Variants in SEMA4D observed in about 807,000 individuals in gnomAD.
SEMA4D encodes semaphorin 4D, also known as semaphorin-4D.
Under a neutral mutation model 74.8 loss-of-function variants are expected in SEMA4D, and 22 were observed. The observed-to-expected ratio is 0.29, with a 90% CI of 0.21 to 0.42. The LOEUF (loss-of-function observed/expected upper bound fraction) is 0.42. Ranked by LOEUF, SEMA4D falls within the 10% of genes least tolerant of loss-of-function variation. The probability of loss-of-function intolerance (pLI) is 1.00; values close to 1 mark genes in which losing one functional copy is unlikely to be tolerated. For missense variants in SEMA4D, 937 were observed against 1,118.4 expected (o/e 0.84, Z 2.31); for synonymous variants, 445 against 463.7 (o/e 0.96, Z 0.52).
At chr9:89,408,435 CCA>C (rs1372921587) in intron 2 of SEMA4D, among the ~76,000 whole-genome samples, 1 of 152,176 alleles carries the variant, frequency 6.6e-6, no homozygotes, top group Non-Finnish European at 1.5e-5. Context: ...GACAAGCTAT[CCA>C]CAGTCCCTCA....
chr9:89,433,399 G>A (rs1849695289), intron 2 of SEMA4D, among the ~76,000 whole-genome samples: 1 of 152,154 alleles, frequency 6.6e-6, no homozygotes, highest in African/African-American at 2.4e-5. Flanking sequence ...AGTGGGGAGG[G>A]GTCTCCAATC....
intron 1 of SEMA4D, among the ~76,000 whole-genome samples, chr9:89,476,103 G>A (rs899051989): frequency 6.6e-6 from 1 of 152,196 alleles, no homozygotes; most frequent in Admixed American, 6.5e-5. Flanking sequence ...CCTCGCTCCT[G>A]GTGCCATTAG....
At chr9:89,452,187 T>TTTG (rs774279779) in intron 2 of SEMA4D, among the ~76,000 whole-genome samples, 1 of 143,918 alleles carries the variant, frequency 6.9e-6, no homozygotes, top group Non-Finnish European at 1.5e-5. Flanking sequence ...TTTTTGTTTT[T>TTTG]TTTTTTTTTG....
At chr9:89,400,705 A>T (rs749068619) in intron 4 of SEMA4D, among the ~76,000 whole-genome samples, 1 of 152,250 alleles carries the variant, frequency 6.6e-6, no homozygotes, top group African/African-American at 2.4e-5. Context: ...ATGCATAAGG[A>T]CAAGGGAACG....
chr9:89,462,874 T>C (rs1857597091), intron 1 of SEMA4D, among the ~76,000 whole-genome samples: 1 of 50,516 alleles, frequency 2.0e-5, no homozygotes, highest in African/African-American at 8.0e-5. Flanking sequence ...AGCCTGGGAG[T>C]TTGAGGCTGC....
At position 89,412,307 on chromosome 9, in the gene SEMA4D, G is replaced by A. The variant is rs1249165289; in HGVS notation, c.-243-6608C>T. Among the ~76,000 whole-genome samples the A allele has an allele frequency of 2.6e-5, 4 of 152,270 alleles. No individual in the cohort carries two copies. In the East Asian group the frequency reaches 5.8e-4, roughly 22 times the overall value. On this transcript the variant is annotated intron_variant, in intron 2 of 15. Coordinates refer to ENST00000422704, the MANE Select transcript of SEMA4D (RefSeq NM_001371194.2). ...AAACAAATCTTGTAATAGTATCCAC[G>A]ACCAAACCCAGGGATGGCAAAGCCA...
rs1304219194 is a variant in SEMA4D, at chr9:89,381,944, A to G, written c.1447-598T>C. The G allele has an allele frequency of 6.6e-6, 1 of 152,284 alleles. No individual in the cohort carries two copies. Among genetic ancestry groups the G allele is most frequent in the African/African-American group, 2.4e-5 (1 of 41,448 alleles). The allele number at this position is 152,284 out of a possible 1,614,324, so 9.4% of individuals were successfully genotyped here. A position where few individuals can be genotyped will look rare whatever the true frequency, so the allele number is the denominator to read the frequency against. ...GTGATACAAAACATAAAAAAGGAACAATGCCTTTTGCTTTTCACTTATCTA... is the reference window on the plus strand; with the variant it reads ...GTGATACAAAACATAAAAAAGGAACGATGCCTTTTGCTTTTCACTTATCTA... On this transcript the variant is annotated intron_variant, in intron 13 of 15. Coordinates refer to ENST00000422704, the MANE Select transcript of SEMA4D (RefSeq NM_001371194.2). The surrounding 1 kb of genome is among the most constrained non-coding windows in gnomAD (Gnocchi z 4.6).
intron 2 of SEMA4D, chr9:89,436,669 A>T (rs1256511413): frequency 1.3e-5 from 2 of 152,714 alleles, no homozygotes; most frequent in Non-Finnish European, 2.9e-5. Flanking sequence ...GGGCTAATTC[A>T]GGGGCTCGTG....
chr9:89,460,153 C>A (rs1856877694), intron 1 of SEMA4D, among the ~76,000 whole-genome samples: 1 of 152,336 alleles, frequency 6.6e-6, no homozygotes, highest in East Asian at 1.9e-4. Flanking sequence ...ACAAAATGCT[C>A]ATAACCAAAC....
At chr9:89,400,058 A>C (rs1424098466) in intron 4 of SEMA4D, among the ~76,000 whole-genome samples, 1 of 151,842 alleles carries the variant, frequency 6.6e-6, no homozygotes, top group Non-Finnish European at 1.5e-5. Context: ...AGTTTAAAAA[A>C]AAAAGCCACA....
At chr9:89,462,440 T>C (rs1451197434) in intron 1 of SEMA4D, among the ~76,000 whole-genome samples, 2 of 152,218 alleles carry the variant, frequency 1.3e-5, no homozygotes, top group African/African-American at 4.8e-5. Context: ...AACATTGATG[T>C]GAGCAACGGC....
rs1836067455 is a variant in SEMA4D, at chr9:89,377,849, C to T, written c.*855G>A. On this transcript the variant is annotated 3_prime_UTR_variant, in exon 16 of 16. Coordinates refer to ENST00000422704, the MANE Select transcript of SEMA4D (RefSeq NM_001371194.2). ...CTACCTTCCCTTGCTCAAAACCCAC[C>T]TCGTGGATGTGGGAAGGTCCTCTTC... 1 of 151,618 alleles carries T rather than the reference C, an allele frequency of 6.6e-6. No homozygotes were observed. The highest frequency in any genetic ancestry group is 1.5e-5 in the Non-Finnish European group (1 of 67,982). The allele number at this position is 151,618 out of a possible 1,614,324, so 9.4% of individuals were successfully genotyped here.
Position 89,393,660 on chromosome 9 carries a change from A to G in SEMA4D, c.415-5T>C. The stretch of plus-strand genomic sequence containing the variant: ...AAACTTAAAGGATGTTAAGTTCTAC[A>G]ATTGAATAAAAAGAGAGCACATCAT... On this transcript the variant is annotated splice_region_variant and splice_polypyrimidine_tract_variant and intron_variant, in intron 6 of 15. Transcript: ENST00000422704. 1.9e-6 allele frequency: 3 copies of G among 1,600,558 alleles called. No homozygotes were observed. Among genetic ancestry groups the G allele is most frequent in the Non-Finnish European group, 2.6e-6 (3 of 1,167,564 alleles).
At chr9:89,363,666 GT>G in intron 17 of SEMA4D, 2 of 1,593,086 alleles carry the variant, frequency 1.3e-6, no homozygotes, top group Non-Finnish European at 8.6e-7. Context: ...CTTTCCAGCT[GT>G]TTTTTTCACT....
chr9:89,398,350 G>A (rs900457586), intron 5 of SEMA4D, among the ~76,000 whole-genome samples: 3 of 152,078 alleles, frequency 2.0e-5, no homozygotes, highest in African/African-American at 7.2e-5. Flanking sequence ...GAGAAGAGCC[G>A]GCCAGAGCTG....
intron 1 of SEMA4D, among the ~76,000 whole-genome samples, chr9:89,478,555 C>G (rs1862340666): frequency 6.6e-6 from 1 of 152,174 alleles, no homozygotes; most frequent in Non-Finnish European, 1.5e-5. Flanking sequence ...AGACATTCAT[C>G]CCTATGTCCC....
chr9:89,459,796 C>A (rs1165662229), intron 1 of SEMA4D, among the ~76,000 whole-genome samples: 1 of 152,204 alleles, frequency 6.6e-6, no homozygotes, highest in Non-Finnish European at 1.5e-5. Context: ...GCCCACACGC[C>A]ACAAGACCCA....
chr9:89,455,376 G>C (rs944308438), intron 2 of SEMA4D, among the ~76,000 whole-genome samples: 1 of 152,222 alleles, frequency 6.6e-6, no homozygotes, highest in Non-Finnish European at 1.5e-5. Flanking sequence ...CCCTGAACAC[G>C]GGGCATGGGG....
intron 2 of SEMA4D, among the ~76,000 whole-genome samples, chr9:89,446,367 G>A (rs920012786): frequency 2.0e-5 from 3 of 152,174 alleles, no homozygotes; most frequent in Non-Finnish European, 2.9e-5. Flanking sequence ...CAGGCTCCAA[G>A]GGTTAGAACC....
Sources: gnomAD v4.1 joint callset for allele counts (sites outside exome capture counted in the v4.1 genomes callset) on GRCh38, gnomAD v4.1.1 for gene constraint, Gnocchi (gnomAD v3.1) non-coding constraint, MANE v1.5 for transcripts, NCBI Gene and HGNC (gene_info 2026-07-23, HGNC 2026-07-21) for gene names.